GOLM1: variants seen among roughly 807,000 people sequenced by gnomAD.
The protein encoded by GOLM1 is epididymis luminal protein 46.
A neutral mutation model predicts 50.5 loss-of-function variants in GOLM1; 31 were observed. The observed-to-expected ratio is 0.61, with a 90% CI of 0.46 to 0.83. GOLM1 has a LOEUF of 0.83. Ranked by LOEUF, GOLM1 falls within the 40% of genes least tolerant of loss-of-function variation. The pLI, the probability that GOLM1 is intolerant of heterozygous loss-of-function variation, is 0.00. For synonymous variants in GOLM1, 178 were observed against 192.8 expected (o/e 0.92, Z 0.64); for missense variants, 491 against 501.3 (o/e 0.98, Z 0.20).
At chr9:86,057,757 C>G (rs769046677) in intron 3 of GOLM1, among the ~76,000 whole-genome samples, 33 of 152,204 alleles carry the variant, frequency 2.2e-4, no homozygotes, top group Non-Finnish European at 4.4e-5. Flanking sequence ...CCAAGCAGGG[C>G]CCTCCTGGGC....
intron 3 of GOLM1, among the ~76,000 whole-genome samples, chr9:86,054,865 T>C (rs2118755878): frequency 6.6e-6 from 1 of 152,336 alleles, no homozygotes; most frequent in South Asian, 2.1e-4. Context: ...GTATGTGTGC[T>C]GGGCCACAAT....
At chr9:86,086,710 A>G (rs1834974066) in intron 1 of GOLM1, among the ~76,000 whole-genome samples, 1 of 152,168 alleles carries the variant, frequency 6.6e-6, no homozygotes. Context: ...TAAACAGGGA[A>G]TCCTTTCTCC....
At chr9:86,054,367 A>G (rs1433500842) in intron 3 of GOLM1, among the ~76,000 whole-genome samples, 1 of 151,404 alleles carries the variant, frequency 6.6e-6, no homozygotes, top group Non-Finnish European at 1.5e-5. Context: ...TCCTGGGTTC[A>G]AGCAGTTCTC....
At chr9:86,065,937 G>A (rs1003560272) in intron 3 of GOLM1, among the ~76,000 whole-genome samples, 1 of 152,138 alleles carries the variant, frequency 6.6e-6, no homozygotes, top group African/African-American at 2.4e-5. Context: ...CTACTCGGGA[G>A]GCTGAGGCAG....
At chr9:86,097,843 T>C (rs1247811047) in intron 1 of GOLM1, among the ~76,000 whole-genome samples, 1 of 152,172 alleles carries the variant, frequency 6.6e-6, no homozygotes, top group African/African-American at 2.4e-5. Flanking sequence ...GGGCCTGCTA[T>C]GGTCAGCTGT....
At chr9:86,065,932 C>T (rs934140163) in intron 3 of GOLM1, among the ~76,000 whole-genome samples, 3 of 151,928 alleles carry the variant, frequency 2.0e-5, no homozygotes, top group Non-Finnish European at 4.4e-5. Flanking sequence ...CCCAGCTACT[C>T]GGGAGGCTGA....
chr9:86,052,057 A>T (rs1328045199), intron 4 of GOLM1, among the ~76,000 whole-genome samples: 21 of 152,150 alleles, frequency 1.4e-4, no homozygotes, highest in Admixed American at 1.2e-3. Context: ...GACAAAGGAC[A>T]GCACCCCATT....
At position 86,097,801 on chromosome 9, in the gene GOLM1, G is replaced by A. The variant is rs150329445; in HGVS notation, c.-22+1610C>T. On this transcript the variant is annotated intron_variant, in intron 1 of 9. Transcript: ENST00000388712. ...AGCAGTTCCCTCCTTCCTGGGGAAG[G>A]TGGCCATATATATATAAACCCGGGT... Among the ~76,000 whole-genome samples the A allele has an allele frequency of 1.7e-3, 259 of 152,248 alleles. 2 individuals carry two copies. The highest frequency in any genetic ancestry group is 6.0e-3 in the African/African-American group (250 of 41,536).
chr9:86,063,589 G>A (rs1341031113), intron 3 of GOLM1, among the ~76,000 whole-genome samples: 4 of 152,084 alleles, frequency 2.6e-5, no homozygotes, highest in African/African-American at 4.8e-5. Flanking sequence ...TGCCAGAGAC[G>A]GTAAGTGAAA....
chr9:86,072,079 A>T (rs1587727764), intron 3 of GOLM1, among the ~76,000 whole-genome samples: 2 of 152,254 alleles, frequency 1.3e-5, no homozygotes, highest in African/African-American at 4.8e-5. Context: ...GTGACCAAAC[A>T]TATACATTAA....
At chr9:86,076,019 G>A (rs1834599736) in intron 3 of GOLM1, among the ~76,000 whole-genome samples, 2 of 152,092 alleles carry the variant, frequency 1.3e-5, no homozygotes, top group Admixed American at 6.6e-5. Flanking sequence ...GTCCCTTCCT[G>A]GAAATAATTC....
intron 6 of GOLM1, chr9:86,036,818 G>A: frequency 2.8e-6 from 1 of 357,668 alleles, no homozygotes; most frequent in Non-Finnish European, 5.1e-6. Context: ...AAAAAGACAT[G>A]AACGACACAA....
intron 1 of GOLM1, among the ~76,000 whole-genome samples, chr9:86,080,760 T>C (rs1404027729): frequency 6.6e-6 from 1 of 152,178 alleles, no homozygotes; most frequent in Non-Finnish European, 1.5e-5. Flanking sequence ...TACCAGCTTC[T>C]GGCCTCTCAG....
intron 5 of GOLM1, among the ~76,000 whole-genome samples, chr9:86,042,282 GTGAC>G (rs374627835): frequency 2.4e-4 from 36 of 152,310 alleles, no homozygotes; most frequent in African/African-American, 7.0e-4. Context: ...ATACTAAGGG[GTGAC>G]ATGGTTGTCT....
chr9:86,098,406 A>G (rs1835416811), intron 1 of GOLM1, among the ~76,000 whole-genome samples: 1 of 152,220 alleles, frequency 6.6e-6, no homozygotes, highest in African/African-American at 2.4e-5. Context: ...GCCATGAGCT[A>G]AACAAAGCCA....
Position 86,027,693 on chromosome 9 carries a change from CA to C in GOLM1, c.*123del, listed in dbSNP as rs759208690. 13 of 1,427,836 alleles carry C rather than the reference CA, an allele frequency of 9.1e-6. No homozygotes were observed. The highest frequency in any genetic ancestry group is 2.9e-5 in the African/African-American group (2 of 68,388). The allele number at this position is 1,427,836 out of a possible 1,614,324, so 88.4% of individuals were successfully genotyped here. A position where few individuals can be genotyped will look rare whatever the true frequency, so the allele number is the denominator to read the frequency against. ...ACACAAAGTGCATACTAAAATTTCA[CA>C]ATAATCATCTTCAGATGTACATTTT... On this transcript the variant is annotated 3_prime_UTR_variant, in exon 10 of 10. Coordinates refer to ENST00000388712, the MANE Select transcript of GOLM1 (RefSeq NM_016548.4).
chr9:86,087,536 C>T (rs955549836), intron 1 of GOLM1, among the ~76,000 whole-genome samples: 1 of 152,200 alleles, frequency 6.6e-6, no homozygotes, highest in Non-Finnish European at 1.5e-5. Flanking sequence ...AAAGGGAATG[C>T]CTCCAGCTTT....
At chr9:86,038,299 G>A (rs1418923714) in intron 6 of GOLM1, among the ~76,000 whole-genome samples, 1 of 152,130 alleles carries the variant, frequency 6.6e-6, no homozygotes, top group Non-Finnish European at 1.5e-5. Context: ...GAGAAAAATC[G>A]GCTTGTGCTT....
Position 86,036,379 on chromosome 9 carries a change from C to G in GOLM1, c.726G>C (p.Val242=). ...CAACTTGTCTCTTTGAATCCAAAAC[C>G]ACTTCGGAACTGGGGGCTGGTGTCT... The part of the protein sequence containing the change: ...KSQTPAPSSE[V]VLDSKRQVEK... The change falls in exon 7 of 10, where the codon GTG becomes GTC. Residue 242 remains valine, a synonymous_variant. Coordinates refer to ENST00000388712, the MANE Select transcript of GOLM1 (RefSeq NM_016548.4). 3 of 1,614,218 alleles carry G rather than the reference C, an allele frequency of 1.9e-6. No homozygotes were observed. Among genetic ancestry groups the G allele is most frequent in the Non-Finnish European group, 2.5e-6 (3 of 1,180,034 alleles).
Sources: gnomAD v4.1 joint callset for allele counts (sites outside exome capture counted in the v4.1 genomes callset) on GRCh38, gnomAD v4.1.1 for gene constraint, MANE v1.5 for transcripts, NCBI Gene and HGNC (gene_info 2026-07-23, HGNC 2026-07-21) for gene names.